TRMT2B: variants seen among roughly 807,000 people sequenced by gnomAD.
TRMT2B encodes the protein tRNA (uracil-5-)-methyltransferase homolog B.
TRMT2B carries 34 observed loss-of-function variants against 39.7 expected under a neutral mutation model. The observed-to-expected ratio is 0.86, with a 90% CI of 0.65 to 1.14. The LOEUF is 1.14. TRMT2B is among the 50% of genes most tolerant of loss of function. The probability of loss-of-function intolerance (pLI) is 0.00; values close to 1 mark genes in which losing one functional copy is unlikely to be tolerated. For missense variants in TRMT2B, 318 were observed against 377.2 expected (o/e 0.84, Z 1.30); for synonymous variants, 132 against 137.3 (o/e 0.96, Z 0.27).
At chrX:100,996,975 C>T in the TRMT2B span, among the ~76,000 whole-genome samples, 1 of 111,585 alleles carries the variant, frequency 9.0e-6, no homozygotes, top group Non-Finnish European at 1.9e-5. Flanking sequence ...GTGTTTTGAA[C>T]TAGCCTTGCT....
chrX:101,034,442 T>A (rs2087712699), intron 7 of TRMT2B, among the ~76,000 whole-genome samples: 1 of 110,346 alleles, frequency 9.1e-6, no homozygotes, highest in Non-Finnish European at 1.9e-5. Flanking sequence ...ATGCCTGGCC[T>A]ACATTTTCTG....
chrX:100,987,286 A>T, the TRMT2B span: 1 of 830,363 alleles, frequency 1.2e-6, no homozygotes, highest in Non-Finnish European at 1.7e-6. Context: ...TAGGCATAGC[A>T]GAGTTTATGT....
the TRMT2B span, among the ~76,000 whole-genome samples, chrX:100,977,979 T>C: frequency 1.8e-5 from 2 of 112,301 alleles, no homozygotes; most frequent in Non-Finnish European, 3.8e-5. Flanking sequence ...GGACACCAGA[T>C]ATCTCTTCAA....
chrX:101,034,388 C>T (rs755928987), intron 7 of TRMT2B, among the ~76,000 whole-genome samples: 24 of 108,454 alleles, frequency 2.2e-4, no homozygotes, highest in African/African-American at 5.0e-4. Context: ...GTGATCCACC[C>T]GCCTTAACCT....
chrX:100,988,136 A>G, the TRMT2B span: 1 of 982,466 alleles, frequency 1.0e-6, no homozygotes, highest in Non-Finnish European at 1.4e-6. Flanking sequence ...TGCATTAGAT[A>G]AAGAAGCTTG....
intron 4 of TRMT2B, 105 bp from the exon 5 acceptor site, chrX:101,038,156 T>C (rs1013253793): frequency 1.4e-5 from 10 of 702,349 alleles, no homozygotes; most frequent in Admixed American, 2.8e-5. Flanking sequence ...TCACCTGAGG[T>C]TAGGAGTTCG....
the TRMT2B span, among the ~76,000 whole-genome samples, chrX:100,996,771 G>A: frequency 9.1e-6 from 1 of 110,209 alleles, no homozygotes; most frequent in African/African-American, 3.3e-5. Flanking sequence ...AATTAGCCAG[G>A]CATGTTGGCA....
the TRMT2B span, among the ~76,000 whole-genome samples, chrX:100,977,369 C>CTTTTTTTTTTTTTTTTT: frequency 3.5e-5 from 2 of 56,466 alleles, no homozygotes; most frequent in African/African-American, 1.4e-4. Context: ...CTACTCTCTT[C>CTTTTTTTTTTTTTTTTT]TTTTTTTTTT....
intron 2 of TRMT2B, among the ~76,000 whole-genome samples, chrX:101,045,553 T>G (rs2088600850): frequency 9.2e-6 from 1 of 109,125 alleles, no homozygotes; most frequent in African/African-American, 3.3e-5. Context: ...GCAGATCACC[T>G]GAGGTCAGGA....
chrX:100,990,240 T>C, the TRMT2B span: 3 of 618,709 alleles, frequency 4.8e-6, no homozygotes, highest in Non-Finnish European at 5.9e-6. Flanking sequence ...AACTGGCCAA[T>C]ACCCTCCTAC....
the TRMT2B span, chrX:100,974,337 G>GCACACACA: frequency 2.3e-6 from 1 of 431,970 alleles, no homozygotes; most frequent in African/African-American, 2.5e-5. Flanking sequence ...TAACACACAC[G>GCACACACA]CACACACACA....
chrX:100,991,374 T>TTTTTGTTTTGTTTTGTTTTG, the TRMT2B span, among the ~76,000 whole-genome samples: 116 of 104,764 alleles, frequency 1.1e-3, no homozygotes, highest in Non-Finnish European at 1.1e-3. Flanking sequence ...CAGTGCTAAG[T>TTTTTGTTTTGTTTTGTTTTG]TTTTGTTTTG....
intron 4 of TRMT2B, among the ~76,000 whole-genome samples, chrX:101,039,669 A>T (rs1293907531): frequency 1.8e-5 from 2 of 111,733 alleles, no homozygotes; most frequent in African/African-American, 6.5e-5. Context: ...AGTCTGAAGC[A>T]GGCGGATCGC....
At chrX:100,976,903 G>A in the TRMT2B span, among the ~76,000 whole-genome samples, 3 of 112,703 alleles carry the variant, frequency 2.7e-5, no homozygotes, top group South Asian at 1.1e-3. Flanking sequence ...CAGCTGCTGC[G>A]AATGTTTTTT....
chrX:101,026,434 C>G (rs1299169540), intron 7 of TRMT2B, among the ~76,000 whole-genome samples: 1 of 104,185 alleles, frequency 9.6e-6, no homozygotes, highest in East Asian at 3.0e-4. Context: ...CGAGATCACA[C>G]CACAGCACTC....
chrX:100,973,734 A>G, the TRMT2B span: 4 of 1,211,211 alleles, frequency 3.3e-6, no homozygotes, highest in Admixed American at 8.7e-5. Context: ...TAAGGACAAC[A>G]GAAGAGACAC....
the TRMT2B span, among the ~76,000 whole-genome samples, chrX:100,982,478 T>C: frequency 3.2e-5 from 3 of 94,896 alleles, 1 homozygote; most frequent in Admixed American, 3.3e-4. Flanking sequence ...AAAAAATAAA[T>C]AAATAAATAA....
At chrX:101,018,839 AT>A (rs747076700) in intron 13 of TRMT2B, 131 bp downstream of exon 13, 45 of 509,252 alleles carry the variant, frequency 8.8e-5, no homozygotes, top group South Asian at 2.1e-4. Context: ...TAAAGGTGGT[AT>A]TTTTTTTGTT....
the TRMT2B span, among the ~76,000 whole-genome samples, chrX:100,984,285 T>C: frequency 9.2e-6 from 1 of 109,141 alleles, no homozygotes; most frequent in Non-Finnish European, 1.9e-5. Flanking sequence ...GGCTAAGTTG[T>C]TTTTTGTTTT....
Sources: allele counts gnomAD v4.1 joint callset (sites outside exome capture counted in the v4.1 genomes callset), GRCh38; gene constraint gnomAD v4.1.1; transcripts MANE v1.5; gene names NCBI Gene and HGNC (gene_info 2026-07-23, HGNC 2026-07-21).